Variants in ENOX1 observed in about 807,000 individuals in gnomAD.
ENOX1 encodes ecto-NOX disulfide-thiol exchanger 1, also known as candidate growth-related and time keeping constitutive hydroquinone (NADH) oxidase.
Under a neutral mutation model 82.5 loss-of-function variants are expected in ENOX1, and 42 were observed. The ratio of observed to expected loss-of-function variants is 0.51; its 90% CI spans 0.40 to 0.66. ENOX1 has a LOEUF of 0.66. Ranked by LOEUF, ENOX1 falls within the 30% of genes least tolerant of loss-of-function variation. ENOX1 has a pLI of 0.00. For missense variants in ENOX1, 608 were observed against 811.6 expected (o/e 0.75, Z 3.05); for synonymous variants, 271 against 282.2 (o/e 0.96, Z 0.40).
rs1180726001 is a variant in ENOX1, at chr13:43,715,236, G to GC, written c.-284-47693dup. On this transcript the variant is annotated intron_variant, in intron 1 of 16. Coordinates refer to ENST00000690772, the MANE Select transcript of ENOX1 (RefSeq NM_001347969.2). ...TTTTCTTTAAGAATGTTGAATATTG[G>GC]CCCCCACTGTCTTCTGGCTTGTAGA... Among the ~76,000 whole-genome samples the GC allele has an allele frequency of 5.9e-5, 9 of 152,232 alleles. No homozygotes were observed. The East Asian group carries it at 1.2e-3, about 20-fold the overall frequency.
At chr13:43,650,246 G>A (rs1480185642) in intron 2 of ENOX1, among the ~76,000 whole-genome samples, 1 of 152,066 alleles carries the variant, frequency 6.6e-6, no homozygotes, top group Non-Finnish European at 1.5e-5. Context: ...ACCAATAAAG[G>A]GCCAGATAGT....
intron 1 of ENOX1, among the ~76,000 whole-genome samples, chr13:43,784,931 A>G (rs1367983444): frequency 4.6e-5 from 7 of 152,242 alleles, no homozygotes; most frequent in Admixed American, 1.3e-4. Context: ...AGAAATCAGT[A>G]TCATTTATAC....
At chr13:43,543,227 A>T (rs1052581688) in intron 2 of ENOX1, among the ~76,000 whole-genome samples, 1 of 152,094 alleles carries the variant, frequency 6.6e-6, no homozygotes, top group Non-Finnish European at 1.5e-5. Flanking sequence ...GAGTGGTAAA[A>T]AGAGGAAGGA....
At chr13:43,657,428 G>A (rs893774819) in intron 2 of ENOX1, among the ~76,000 whole-genome samples, 1 of 152,180 alleles carries the variant, frequency 6.6e-6, no homozygotes, top group Non-Finnish European at 1.5e-5. Flanking sequence ...ATCAGGTGGG[G>A]TTCTGAGGTA....
chr13:43,767,228 G>T lies in ENOX1; in HGVS notation c.-285+19424C>A, dbSNP rs922605593. ...CACGCTAAGATTTTCAGTATAAAGA[G>T]ACAGGAGCAAAAATTTGGAGCACTG... is the stretch of plus-strand genomic sequence containing the variant. On this transcript the variant is annotated intron_variant, in intron 1 of 16. Transcript: ENST00000690772. Among the ~76,000 whole-genome samples, 6 of 152,314 alleles carry T rather than the reference G, an allele frequency of 3.9e-5. No individual in the cohort carries two copies. In the South Asian group the frequency reaches 1.2e-3, roughly 32 times the overall value.
In ENOX1 at chr13:43,300,293, A is replaced by G. The variant is rs552282537; in HGVS notation, c.1262-1763T>C. 2.0e-5 allele frequency among the ~76,000 whole-genome samples: 3 copies of G among 152,314 alleles called. No homozygotes were observed. The South Asian group carries it at 6.2e-4, about 32-fold the overall frequency. On this transcript the variant is annotated intron_variant, in intron 11 of 16. Coordinates refer to ENST00000690772, the MANE Select transcript of ENOX1 (RefSeq NM_001347969.2). ...AAACTGACACATTTAAAAAGAAACT[A>G]TTGCTTTCAAAGGAAGAAAGGATAG... is the stretch of plus-strand genomic sequence containing the variant.
At chr13:43,643,422 C>T (rs1013664966) in intron 2 of ENOX1, among the ~76,000 whole-genome samples, 1 of 152,102 alleles carries the variant, frequency 6.6e-6, no homozygotes, top group African/African-American at 2.4e-5. Context: ...TATGAACCAC[C>T]AATTGAAACT....
chr13:43,579,983 G>A (rs1309836546), intron 2 of ENOX1, among the ~76,000 whole-genome samples: 1 of 152,128 alleles, frequency 6.6e-6, no homozygotes, highest in African/African-American at 2.4e-5. Context: ...GGTAGGGGTA[G>A]GGTGGTGAGG....
intron 1 of ENOX1, among the ~76,000 whole-genome samples, chr13:43,674,926 T>G (rs980234793): frequency 2.0e-5 from 3 of 152,054 alleles, no homozygotes; most frequent in African/African-American, 7.2e-5. Flanking sequence ...TTAAAATCCT[T>G]AAAGTATAAA....
chr13:43,639,215 T>C (rs983455848), intron 2 of ENOX1, among the ~76,000 whole-genome samples: 1 of 152,200 alleles, frequency 6.6e-6, no homozygotes, highest in Admixed American at 6.5e-5. Flanking sequence ...GGCAGGAGAA[T>C]TGCTTGAACC....
In ENOX1 at chr13:43,695,727, C is replaced by T. The variant is rs537180378; in HGVS notation, c.-284-28183G>A. ...CCTTCCAAAGTGCTGGGATTACAGGCGTGAGCCACCGCACCCGGCCTCATT... is the reference window on the plus strand; with the variant it reads ...CCTTCCAAAGTGCTGGGATTACAGGTGTGAGCCACCGCACCCGGCCTCATT... On this transcript the variant is annotated intron_variant, in intron 1 of 16. Coordinates refer to ENST00000690772, the MANE Select transcript of ENOX1 (RefSeq NM_001347969.2). Among the ~76,000 whole-genome samples the T allele has an allele frequency of 8.5e-5, 13 of 152,244 alleles. 1 individual carries two copies. The South Asian group carries it at 1.7e-3, about 19-fold the overall frequency.
intron 1 of ENOX1, among the ~76,000 whole-genome samples, chr13:43,706,119 A>ATGTT (rs1232301314): frequency 2.3e-4 from 35 of 152,012 alleles, no homozygotes; most frequent in Admixed American, 9.8e-4. Context: ...TAACATATAA[A>ATGTT]AATGTGTGAG....
intron 12 of ENOX1, among the ~76,000 whole-genome samples, chr13:43,282,649 C>G (rs1331469261): frequency 6.6e-6 from 1 of 151,882 alleles, no homozygotes; most frequent in East Asian, 1.9e-4. Context: ...GTCTCAAACT[C>G]CTGGGCTCAA....
intron 14 of ENOX1, among the ~76,000 whole-genome samples, chr13:43,264,068 C>T (rs2044233706): frequency 6.6e-6 from 1 of 152,216 alleles, no homozygotes; most frequent in Admixed American, 6.5e-5. Context: ...ATCCAGGAAA[C>T]CTTTCTTGAT....
intron 2 of ENOX1, among the ~76,000 whole-genome samples, chr13:43,595,658 A>T (rs1285027079): frequency 6.6e-6 from 1 of 152,232 alleles, no homozygotes; most frequent in East Asian, 1.9e-4. Context: ...AGGTATTTTC[A>T]TAGGAAAATA....
At chr13:43,623,382 G>A (rs2082826582) in intron 2 of ENOX1, among the ~76,000 whole-genome samples, 1 of 152,142 alleles carries the variant, frequency 6.6e-6, no homozygotes. Flanking sequence ...GTGCCAGGCA[G>A]GAATGGCCTG....
chr13:43,587,325 C>A (rs1331842610), intron 2 of ENOX1, among the ~76,000 whole-genome samples: 1 of 152,190 alleles, frequency 6.6e-6, no homozygotes, highest in Non-Finnish European at 1.5e-5. Context: ...TTACTTTTCT[C>A]TGGCCCATCT....
chr13:43,712,820 A>G lies in ENOX1; in HGVS notation c.-284-45276T>C, dbSNP rs934349006. On this transcript the variant is annotated intron_variant, in intron 1 of 16. Coordinates refer to ENST00000690772, the MANE Select transcript of ENOX1 (RefSeq NM_001347969.2). ...GCTTAAGGAGATTTTGGGCTGAGAC[A>G]ATGGGGTTTTCTAGATAAACAATCA... 4.6e-5 allele frequency among the ~76,000 whole-genome samples: 7 copies of G among 151,788 alleles called. No homozygotes were observed. The South Asian group carries it at 1.0e-3, about 23-fold the overall frequency.
At chr13:43,279,051 A>G (rs995196193) in intron 12 of ENOX1, among the ~76,000 whole-genome samples, 1 of 152,156 alleles carries the variant, frequency 6.6e-6, no homozygotes, top group Non-Finnish European at 1.5e-5. Flanking sequence ...TGAGACGGGG[A>G]GAGTCATGAC....
Sources: gnomAD v4.1 joint callset for allele counts (sites outside exome capture counted in the v4.1 genomes callset) on GRCh38, gnomAD v4.1.1 for gene constraint, MANE v1.5 for transcripts, NCBI Gene and HGNC (gene_info 2026-07-23, HGNC 2026-07-21) for gene names.